The following CPSF4L variants were observed in gnomAD, a reference collection of about 807,000 sequenced individuals.
CPSF4L encodes the protein cleavage and polyadenylation specific factor 4 like.
In CPSF4L, 18 loss-of-function variants were observed where a neutral mutation model predicts 24.0. The observed-to-expected ratio is 0.75, with a 90% CI of 0.52 to 1.11. CPSF4L has a LOEUF of 1.11. CPSF4L is among the 50% of genes least tolerant of loss of function. The probability of loss-of-function intolerance (pLI) is 0.00; values close to 1 mark genes in which losing one functional copy is unlikely to be tolerated. For missense variants in CPSF4L, 211 were observed against 221.8 expected, an observed-to-expected ratio of 0.95 and a Z score of 0.31; for synonymous variants, 72 against 77.2, an observed-to-expected ratio of 0.93 and a Z score of 0.35.
At chr17:73,242,914 C>G in the CPSF4L span, 3 of 1,613,740 alleles carry the variant, frequency 1.9e-6, no homozygotes, top group Admixed American at 5.0e-5. Context: ...AGGTGCAACA[C>G]CACCATAAGG....
chr17:73,244,518 G>A (rs191936510), downstream of CPSF4L: 11 of 127,690 alleles, frequency 8.6e-5, no homozygotes, highest in East Asian at 2.5e-4. Flanking sequence ...AGCCGAGATC[G>A]CGCCACTACT....
intron 1 of CPSF4L, 145 bp downstream of exon 1, chr17:73,261,571 G>A (rs1296744777): frequency 3.2e-6 from 2 of 620,524 alleles, no homozygotes; most frequent in East Asian, 2.9e-5. Flanking sequence ...TGAGGCAGGA[G>A]AATGGCGTGA....
In CPSF4L at chr17:73,248,483, A is replaced by G. The variant is rs780402389; in HGVS notation, c.*11T>C. On this transcript the variant is annotated 3_prime_UTR_variant, in exon 6 of 6. Transcript: ENST00000344935. ...TGGCATTGGAGTGCCCCGCTAGGTA[A>G]GAAGCAACGCTTAGATCTTGCTTCC... 1.4e-5 allele frequency: 21 copies of G among 1,551,230 alleles called. No individual in the cohort carries two copies. The South Asian group carries it at 2.4e-4, about 18-fold the overall frequency.
downstream of CPSF4L, chr17:73,248,227 A>C (rs773916416): frequency 4.5e-6 from 2 of 447,288 alleles, no homozygotes; most frequent in Non-Finnish European, 8.1e-6. Flanking sequence ...TAAAAGCTTC[A>C]TCCAGAAAGA....
At chr17:73,252,591 C>A (rs776650194) in intron 5 of CPSF4L, 39 bp downstream of exon 5, 24 of 1,264,984 alleles carry the variant, frequency 1.9e-5, no homozygotes, top group African/African-American at 1.5e-5. Flanking sequence ...CCAGGCCTAG[C>A]ACTCTGGTGG....
At chr17:73,250,890 T>G in intron 5 of CPSF4L, 1 of 1,082,422 alleles carries the variant, frequency 9.2e-7, no homozygotes, top group East Asian at 2.7e-5. Flanking sequence ...AGAAAAGGAG[T>G]CATTCTCCAG....
chr17:73,242,341 T>G, the CPSF4L span: 2 of 1,579,780 alleles, frequency 1.3e-6, no homozygotes, highest in Non-Finnish European at 1.7e-6. Context: ...TCTTGGGAGC[T>G]GTACAAAAAG....
chr17:73,249,984 A>G (rs1048184602), intron 5 of CPSF4L: 4 of 356,412 alleles, frequency 1.1e-5, no homozygotes, highest in Non-Finnish European at 2.0e-5. Context: ...GATTTCCCAT[A>G]GACTCGAGCT....
At chr17:73,249,272 C>T (rs186351153) in intron 5 of CPSF4L, among the ~76,000 whole-genome samples, 4 of 152,306 alleles carry the variant, frequency 2.6e-5, no homozygotes, top group Non-Finnish European at 4.4e-5. Flanking sequence ...CAGATCCAGC[C>T]AACATCTGGG....
intron 2 of CPSF4L, 39 bp downstream of exon 2, chr17:73,260,894 C>A: frequency 6.5e-7 from 1 of 1,532,786 alleles, no homozygotes; most frequent in East Asian, 2.5e-5. Context: ...AGACCCTACA[C>A]TCACCCAGCT....
chr17:73,261,586 A>G lies in CPSF4L; in HGVS notation c.103+130T>C, dbSNP rs562784521. 137 of 673,612 alleles carry G rather than the reference A, an allele frequency of 2.0e-4. 1 individual carries two copies. Among genetic ancestry groups the G allele is most frequent in the Middle Eastern group, 1.2e-3 (3 of 2,466 alleles). 41.7% of individuals were successfully genotyped at this position (673,612 alleles called of 1,614,324 possible). ...TGAGGCAGGAGAATGGCGTGAACCC[A>G]GGAGGCAGAGCTTGCAATGAGCCGA... is the stretch of plus-strand genomic sequence containing the variant. On this transcript the variant is annotated intron_variant, in intron 1 of 5. Coordinates refer to ENST00000344935, the MANE Select transcript of CPSF4L (RefSeq NM_001129885.1).
rs1217995468 is a variant in CPSF4L at position 73,261,776 on chromosome 17, A to G, written c.43T>C (p.Phe15Leu). The G allele has an allele frequency of 1.3e-6, 2 of 1,551,816 alleles. No individual in the cohort carries two copies. Among genetic ancestry groups the G allele is most frequent in the Admixed American group, 3.9e-5 (2 of 51,006 alleles). Residue 15 changes from phenylalanine (F) to leucine (L), a missense_variant, in exon 1 of 6, where the codon TTC becomes CTC. Coordinates refer to ENST00000344935, the MANE Select transcript of CPSF4L (RefSeq NM_001129885.1). ...IAGLERFTFA[F>L]EKDVEMQKGT... ...TTCTGCATCTCGACATCCTTCTCGA[A>G]GGCAAAGGTGAACCGCTCTAGCCCC...
chr17:73,242,156 G>T, the CPSF4L span: 1 of 792,416 alleles, frequency 1.3e-6, no homozygotes, highest in Non-Finnish European at 2.0e-6. Flanking sequence ...TCTTCCTGAG[G>T]CTTAGCCGTG....
At chr17:73,251,593 G>A (rs1025853793) in intron 5 of CPSF4L, among the ~76,000 whole-genome samples, 2 of 152,222 alleles carry the variant, frequency 1.3e-5, no homozygotes, top group Non-Finnish European at 2.9e-5. Context: ...ACTGGACTCT[G>A]CCATTGTAAG....
At chr17:73,252,785 G>T in intron 4 of CPSF4L, 62 bp from the exon 5 acceptor site, 1 of 1,167,660 alleles carries the variant, frequency 8.6e-7, no homozygotes, top group South Asian at 1.4e-5. Flanking sequence ...AAACACACAT[G>T]AAAAAGCTCC....
chr17:73,255,143 A>G (rs2145278671), intron 3 of CPSF4L, among the ~76,000 whole-genome samples: 1 of 152,136 alleles, frequency 6.6e-6, no homozygotes, highest in African/African-American at 2.4e-5. Context: ...CTGATTTTCA[A>G]ATTGCTCCAG....
chr17:73,252,530 C>T (rs1175033741), intron 5 of CPSF4L, 100 bp downstream of exon 5: 2 of 771,134 alleles, frequency 2.6e-6, no homozygotes, highest in Non-Finnish European at 2.2e-6. Flanking sequence ...CCAGATGCTT[C>T]ATTTTCCACT....
In CPSF4L at chr17:73,260,946, C is replaced by G. The variant is rs1238208378; in HGVS notation, c.141G>C (p.Gly47=). The change falls in exon 2 of 6, where the codon GGG becomes GGC. Residue 47 remains glycine, a synonymous_variant. Coordinates refer to ENST00000344935, the MANE Select transcript of CPSF4L (RefSeq NM_001129885.1). ...ASAVCNFFTK[G]LCEKGKLCPF... is the part of the protein sequence containing the mutation. ...CTGCTAACTCACCTTTCTCACAGAG[C>G]CCTTTAGTGAAGAAGTTGCACACAG... 2 of 1,550,832 alleles carry G rather than the reference C, an allele frequency of 1.3e-6. No homozygotes were observed. Among genetic ancestry groups the G allele is most frequent in the Non-Finnish European group, 1.7e-6 (2 of 1,146,418 alleles).
In CPSF4L at chr17:73,260,998, G is replaced by GGGAACGGAGAAGGT. The variant is rs1171781908; in HGVS notation, c.104-29_104-16dup. On this transcript the variant is annotated splice_polypyrimidine_tract_variant and intron_variant, in intron 1 of 5. Coordinates refer to ENST00000344935, the MANE Select transcript of CPSF4L (RefSeq NM_001129885.1). ...TGAGGCCGACTCTGGAAGGAGAAGA[G>GGGAACGGAGAAGGT]GGAACGGAGAAGGTAGCTTCCCCAG... The GGGAACGGAGAAGGT allele has an allele frequency of 1.8e-5, 28 of 1,548,858 alleles. No individual in the cohort carries two copies. The highest frequency in any genetic ancestry group is 2.4e-5 in the Non-Finnish European group (28 of 1,145,198).
Sources: allele counts gnomAD v4.1 joint callset (sites outside exome capture counted in the v4.1 genomes callset), GRCh38; gene constraint gnomAD v4.1.1; transcripts MANE v1.5; gene names NCBI Gene and HGNC (gene_info 2026-07-23, HGNC 2026-07-21).